The following LCLAT1 variants were observed in gnomAD, a reference collection of about 807,000 sequenced individuals.
The protein encoded by LCLAT1 is 1-AGP acyltransferase 8.
Under a neutral mutation model 30.7 loss-of-function variants are expected in LCLAT1, and 11 were observed. That is an observed-to-expected ratio of 0.36 (90% CI 0.23 to 0.59). The LOEUF (loss-of-function observed/expected upper bound fraction) is 0.59. Ranked by LOEUF, LCLAT1 falls within the 20% of genes least tolerant of loss-of-function variation. LCLAT1 has a pLI of 0.77. For synonymous variants in LCLAT1, 155 were observed against 151.3 expected (o/e 1.02, Z -0.18); for missense variants, 402 against 458.6 (o/e 0.88, Z 1.13).
At chr2:30,482,941 G>A (rs754858376) in intron 1 of LCLAT1, among the ~76,000 whole-genome samples, 28 of 152,062 alleles carry the variant, frequency 1.8e-4, no homozygotes, top group African/African-American at 4.8e-4. Flanking sequence ...AAGGAAAGTC[G>A]GAGAAACTGT....
chr2:30,460,358 C>T, intron 1 of LCLAT1, among the ~76,000 whole-genome samples: 1 of 152,152 alleles, frequency 6.6e-6, no homozygotes. Context: ...TTATGTCTGT[C>T]TCTGTTTATT....
At chr2:30,591,849 G>C (rs1666706272) in intron 5 of LCLAT1, among the ~76,000 whole-genome samples, 1 of 152,072 alleles carries the variant, frequency 6.6e-6, no homozygotes, top group Non-Finnish European at 1.5e-5. Flanking sequence ...AAATTGGCTT[G>C]GTTATTGCCC....
chr2:30,534,194 A>C (rs992179595), intron 3 of LCLAT1, among the ~76,000 whole-genome samples: 2 of 151,326 alleles, frequency 1.3e-5, no homozygotes, highest in Admixed American at 1.3e-4. Context: ...AGGATAGACT[A>C]GCAAGGGTGT....
intron 2 of LCLAT1, among the ~76,000 whole-genome samples, chr2:30,531,893 A>G (rs1445066305): frequency 6.6e-6 from 1 of 152,182 alleles, no homozygotes. Context: ...GTACAATTTA[A>G]TGAAAAATTT....
At chr2:30,450,428 T>C (rs1681489187) in intron 1 of LCLAT1, among the ~76,000 whole-genome samples, 1 of 143,984 alleles carries the variant, frequency 6.9e-6, no homozygotes, top group African/African-American at 2.5e-5. Context: ...GGAACTCTCC[T>C]GCGGGCAGTG....
At chr2:30,611,742 G>T (rs1667748675) in intron 5 of LCLAT1, among the ~76,000 whole-genome samples, 2 of 152,218 alleles carry the variant, frequency 1.3e-5, no homozygotes, top group Admixed American at 1.3e-4. Context: ...ACTTCATCTG[G>T]GTCAGCTGAG....
intron 5 of LCLAT1, among the ~76,000 whole-genome samples, chr2:30,630,541 A>AT (rs1437892253): frequency 6.6e-6 from 1 of 152,236 alleles, no homozygotes; most frequent in Non-Finnish European, 1.5e-5. Flanking sequence ...TAAGGGAAAT[A>AT]TTTTTTGAAT....
chr2:30,536,634 C>T (rs1316884221), intron 3 of LCLAT1, among the ~76,000 whole-genome samples: 1 of 152,166 alleles, frequency 6.6e-6, no homozygotes. Flanking sequence ...TGATTAATTA[C>T]TTCTGCATCT....
chr2:30,615,042 T>C (rs896451407), intron 5 of LCLAT1, among the ~76,000 whole-genome samples: 1 of 152,010 alleles, frequency 6.6e-6, no homozygotes, highest in Admixed American at 6.6e-5. Context: ...TGAAAGAGGA[T>C]TGAAGACAGT....
Position 30,568,234 on chromosome 2 carries a change from T to C in LCLAT1, c.628+58T>C, listed in dbSNP as rs1665592634. 4 of 815,280 alleles carry C rather than the reference T, an allele frequency of 4.9e-6. No homozygotes were observed. In the East Asian group the frequency reaches 1.0e-4, roughly 21 times the overall value. 50.5% of individuals were successfully genotyped at this position (815,280 alleles called of 1,614,324 possible). On this transcript the variant is annotated intron_variant, in intron 5 of 5. Transcript: ENST00000379509. ...AAAAGTGGCAAAAATTGCTAAGCTTTATATATAGCCCTTTAGAGTTTGTAA... is the reference window on the plus strand; with the variant it reads ...AAAAGTGGCAAAAATTGCTAAGCTTCATATATAGCCCTTTAGAGTTTGTAA...
chr2:30,630,352 T>TA (rs1668711611), intron 5 of LCLAT1, among the ~76,000 whole-genome samples: 1 of 152,218 alleles, frequency 6.6e-6, no homozygotes, highest in South Asian at 2.1e-4. Flanking sequence ...TCTATAACAA[T>TA]ATCCACTTCC....
chr2:30,551,486 A>T (rs1440908172), intron 3 of LCLAT1, among the ~76,000 whole-genome samples: 1 of 152,134 alleles, frequency 6.6e-6, no homozygotes, highest in Non-Finnish European at 1.5e-5. Flanking sequence ...ATGAAGAATG[A>T]TGTGAGAAAC....
intron 1 of LCLAT1, among the ~76,000 whole-genome samples, chr2:30,524,933 G>A (rs1300855612): frequency 2.6e-5 from 4 of 151,816 alleles, no homozygotes; most frequent in African/African-American, 9.7e-5. Context: ...AAACTCATCT[G>A]TAGTTTTTAG....
chr2:30,554,319 A>G (rs1664819369), intron 3 of LCLAT1, among the ~76,000 whole-genome samples: 1 of 152,266 alleles, frequency 6.6e-6, no homozygotes, highest in Non-Finnish European at 1.5e-5. Context: ...GGAAAATGTT[A>G]AACAGTATCT....
intron 5 of LCLAT1, among the ~76,000 whole-genome samples, chr2:30,598,754 A>G (rs1437413698): frequency 1.3e-5 from 2 of 152,024 alleles, no homozygotes; most frequent in African/African-American, 2.4e-5. Flanking sequence ...TAGGATGTCA[A>G]TTTGAGATCT....
chr2:30,526,388 A>G (rs955199583), intron 2 of LCLAT1, among the ~76,000 whole-genome samples: 8 of 151,944 alleles, frequency 5.3e-5, no homozygotes, highest in East Asian at 1.9e-4. Flanking sequence ...CCTTTCTTCT[A>G]TCATCTTTAA....
At chr2:30,576,480 A>G (rs1665998093) in intron 5 of LCLAT1, among the ~76,000 whole-genome samples, 1 of 152,090 alleles carries the variant, frequency 6.6e-6, no homozygotes, top group Admixed American at 6.6e-5. Context: ...TAGAGAAGAT[A>G]AGTTTCAGTG....
At chr2:30,564,333 C>G (rs942600173) in intron 4 of LCLAT1, among the ~76,000 whole-genome samples, 5 of 151,994 alleles carry the variant, frequency 3.3e-5, no homozygotes, top group African/African-American at 4.8e-5. Context: ...TAAATAAAAA[C>G]TAATGAAAGA....
intron 5 of LCLAT1, among the ~76,000 whole-genome samples, chr2:30,625,393 A>G (rs1276260609): frequency 6.6e-6 from 1 of 152,228 alleles, no homozygotes; most frequent in Non-Finnish European, 1.5e-5. Flanking sequence ...TAGAAATGAA[A>G]TGAGAGCTAT....
Sources: gnomAD v4.1 joint callset for allele counts (sites outside exome capture counted in the v4.1 genomes callset) on GRCh38, gnomAD v4.1.1 for gene constraint, MANE v1.5 for transcripts, NCBI Gene and HGNC (gene_info 2026-07-23, HGNC 2026-07-21) for gene names.